The following TANC2 variants were observed in gnomAD, a reference collection of about 807,000 sequenced individuals.
TANC2 encodes the protein tetratricopeptide repeat, ankyrin repeat and coiled-coil containing 2, also known as protein TANC2.
Under a neutral mutation model 210.5 loss-of-function variants are expected in TANC2, and 26 were observed. That is an observed-to-expected ratio of 0.12 (90% CI 0.09 to 0.17). TANC2 has a LOEUF of 0.17. Among genes scored for constraint, TANC2 ranks in the 10% least tolerant of loss-of-function variants. TANC2 has a pLI of 1.00. For synonymous variants in TANC2, 931 were observed against 967.1 expected (o/e 0.96, Z 0.69); for missense variants, 2,129 against 2,608.9 (o/e 0.82, Z 4.01).
chr17:62,997,183 T>A, intron 1 of TANC2, among the ~76,000 whole-genome samples: 1 of 149,678 alleles, frequency 6.7e-6, no homozygotes, highest in Non-Finnish European at 1.5e-5. Flanking sequence ...TCACCCAGGC[T>A]GGCGTGCAGT....
chr17:63,171,249 A>G (rs1373628002), intron 5 of TANC2, among the ~76,000 whole-genome samples: 1 of 151,128 alleles, frequency 6.6e-6, no homozygotes, highest in African/African-American at 2.4e-5. Context: ...CACCTGGCTA[A>G]TTTTTGTATT....
intron 18 of TANC2, 200 bp downstream of exon 18, chr17:63,396,128 G>A: frequency 5.4e-6 from 3 of 552,390 alleles, no homozygotes; most frequent in Middle Eastern, 4.8e-4. Context: ...GGTATAGAAA[G>A]GTGCGAGTTG....
intron 3 of TANC2, among the ~76,000 whole-genome samples, chr17:63,085,792 G>A (rs1384942083): frequency 3.3e-5 from 5 of 152,056 alleles, no homozygotes; most frequent in Admixed American, 6.5e-5. Flanking sequence ...TTATGTGTTA[G>A]AACAATTAAG....
At chr17:63,113,931 A>G (rs927115918) in intron 4 of TANC2, among the ~76,000 whole-genome samples, 1 of 152,150 alleles carries the variant, frequency 6.6e-6, no homozygotes, top group African/African-American at 2.4e-5. Context: ...TGTTTTCCCC[A>G]TTTCTGGTTA....
At chr17:63,158,093 T>A (rs1228333860) in intron 5 of TANC2, among the ~76,000 whole-genome samples, 3 of 152,234 alleles carry the variant, frequency 2.0e-5, no homozygotes, top group African/African-American at 7.2e-5. Flanking sequence ...TGTATGCGTG[T>A]TTATTTTTAA....
chr17:63,420,082 G>A lies in TANC2; in HGVS notation c.4352G>A (p.Arg1451Lys), dbSNP rs1472290831. Residue 1451 changes from arginine (R) to lysine (K), a missense_variant, in exon 28 of 28, where the codon AGA (arginine) becomes AAA (lysine). Arg to Lys is a conservative substitution (Grantham distance 26). Coordinates refer to ENST00000689528, the Ensembl canonical transcript of TANC2. This position sits in a 1 kb window ranked among gnomAD's most constrained non-coding sequence, Gnocchi z 4.2. ...CGTGAGATCCAGAGACTTCTGCTGA[G>A]AGTGGAAGAAGAGTGTAGACAGATG... The A allele has an allele frequency of 1.9e-6, 3 of 1,552,262 alleles. No homozygotes were observed. The highest frequency in any genetic ancestry group is 2.6e-6 in the Non-Finnish European group (3 of 1,147,150).
chr17:63,351,489 C>A, intron 13 of TANC2, 73 bp downstream of exon 13: 1 of 1,303,572 alleles, frequency 7.7e-7, no homozygotes, highest in Non-Finnish European at 1.0e-6. Flanking sequence ...AGTTCTAGGT[C>A]CTAGTTTCAT....
At chr17:63,358,976 T>TGTGTGTGTGTG (rs2046870033) in intron 14 of TANC2, among the ~76,000 whole-genome samples, 1 of 147,806 alleles carries the variant, frequency 6.8e-6, no homozygotes, top group South Asian at 2.2e-4. Context: ...AGATTAATAT[T>TGTGTGTGTGTG]TGTGTGTGTG....
intron 2 of TANC2, among the ~76,000 whole-genome samples, chr17:63,041,042 T>C (rs1268401761): frequency 6.6e-6 from 1 of 152,186 alleles, no homozygotes; most frequent in African/African-American, 2.4e-5. Context: ...TGGCTGCCAC[T>C]GTGTTGGATT....
chr17:63,017,385 T>C (rs2034154807), intron 2 of TANC2, among the ~76,000 whole-genome samples: 1 of 152,248 alleles, frequency 6.6e-6, no homozygotes, highest in African/African-American at 2.4e-5. Context: ...TGGGCTGCTA[T>C]AAATTTACAG....
At position 63,379,835 on chromosome 17, in the gene TANC2, A is replaced by G; in HGVS notation, c.2691+9A>G. ...AAGCACACATTTTTAAGGTAATTAA[A>G]GCAGTTGGAACCATTTTTCCGCCAT... On this transcript the variant is annotated intron_variant, in intron 15 of 27. Transcript: ENST00000689528. The G allele has an allele frequency of 6.2e-7, 1 of 1,606,598 alleles. No individual in the cohort carries two copies. Among genetic ancestry groups the G allele is most frequent in the Non-Finnish European group, 8.5e-7 (1 of 1,175,188 alleles).
chr17:63,328,706 G>C (rs528151787), intron 11 of TANC2, among the ~76,000 whole-genome samples: 13 of 151,486 alleles, frequency 8.6e-5, no homozygotes, highest in Admixed American at 1.3e-4. Context: ...CAAATTTTCA[G>C]ATAGATAGGA....
At chr17:63,311,964 A>T (rs1019412901) in intron 9 of TANC2, among the ~76,000 whole-genome samples, 1 of 152,180 alleles carries the variant, frequency 6.6e-6, no homozygotes. Context: ...CAGCTAATAG[A>T]TACAGGATTT....
chr17:63,374,044 T>TTTA (rs1326405181), intron 14 of TANC2, among the ~76,000 whole-genome samples: 1 of 145,560 alleles, frequency 6.9e-6, no homozygotes, highest in African/African-American at 2.6e-5. Flanking sequence ...TTTTTTTTTT[T>TTTA]TTTTTTTTTT....
At chr17:63,072,312 C>T (rs1340078170) in intron 2 of TANC2, among the ~76,000 whole-genome samples, 3 of 152,016 alleles carry the variant, frequency 2.0e-5, no homozygotes, top group East Asian at 3.9e-4. Flanking sequence ...TAAATGTTCA[C>T]ATTTCCTTTA....
At chr17:63,132,254 G>A (rs1333166263) in intron 4 of TANC2, among the ~76,000 whole-genome samples, 1 of 147,844 alleles carries the variant, frequency 6.8e-6, no homozygotes, top group African/African-American at 2.5e-5. Flanking sequence ...TTTTTTTTTC[G>A]AATCTTAAAC....
intron 4 of TANC2, among the ~76,000 whole-genome samples, chr17:63,112,575 G>A (rs969755334): frequency 2.6e-5 from 4 of 152,176 alleles, no homozygotes; most frequent in Admixed American, 2.6e-4. Flanking sequence ...CGAAGAACCC[G>A]TTTAGAGTTC....
chr17:63,015,658 T>G (rs2034074823), intron 2 of TANC2, among the ~76,000 whole-genome samples: 1 of 152,192 alleles, frequency 6.6e-6, no homozygotes, highest in African/African-American at 2.4e-5. Context: ...GAATATTAGC[T>G]TTGAATTTTA....
chr17:63,294,336 G>T (rs1044575589), intron 9 of TANC2, among the ~76,000 whole-genome samples: 2 of 152,056 alleles, frequency 1.3e-5, no homozygotes, highest in Non-Finnish European at 2.9e-5. Flanking sequence ...AATTAGCCCG[G>T]CATGGTGGCA....
Sources: gnomAD v4.1 joint callset for allele counts (sites outside exome capture counted in the v4.1 genomes callset) on GRCh38, gnomAD v4.1.1 for gene constraint, Gnocchi (gnomAD v3.1) non-coding constraint, MANE v1.5 for transcripts, NCBI Gene and HGNC (gene_info 2026-07-23, HGNC 2026-07-21) for gene names.